Variants in ANKRD24 observed in about 807,000 individuals in gnomAD.
ANKRD24 encodes the protein ankyrin repeat domain 24.
Under a neutral mutation model 127.8 loss-of-function variants are expected in ANKRD24, and 109 were observed. That is an observed-to-expected ratio of 0.85 (90% CI 0.73 to 1.00). The LOEUF is 1.00. Ranked by LOEUF, ANKRD24 falls within the 50% of genes least tolerant of loss-of-function variation. The pLI, the probability that ANKRD24 is intolerant of heterozygous loss-of-function variation, is 0.00. For missense variants in ANKRD24, 1,648 were observed against 1,570.2 expected (o/e 1.05, Z -0.84); for synonymous variants, 743 against 671.1 (o/e 1.11, Z -1.66).
chr19:4,184,438 C>T (rs945810625), intron 1 of ANKRD24, among the ~76,000 whole-genome samples: 4 of 152,196 alleles, frequency 2.6e-5, no homozygotes, highest in Admixed American at 2.0e-4. Context: ...ACCCAGGTAC[C>T]CTGACACACA....
intron 2 of ANKRD24, among the ~76,000 whole-genome samples, chr19:4,193,729 C>A (rs999969226): frequency 5.3e-5 from 8 of 151,262 alleles, no homozygotes; most frequent in African/African-American, 1.9e-4. Flanking sequence ...CCCAGATACT[C>A]GGGAGACTGA....
chr19:4,202,910 T>C lies in ANKRD24; in HGVS notation c.450T>C (p.Thr150=). Residue 150 remains threonine (T), a synonymous_variant, in exon 7 of 22, where the codon ACT becomes ACC. Coordinates refer to ENST00000318934, the MANE Select transcript of ANKRD24 (RefSeq NM_001393985.1). Reference sequence around the variant, plus strand: ...ACGTCGTGGACAGCAGCGGGTGGACTGCCCTACACCATGCAGGTGGGTGCA... The same window carrying C: ...ACGTCGTGGACAGCAGCGGGTGGACCGCCCTACACCATGCAGGTGGGTGCA... ...VVDVVDSSGW[T]ALHHAAAGGC... 1 of 1,582,966 alleles carries C rather than the reference T, an allele frequency of 6.3e-7. No homozygotes were observed. The highest frequency in any genetic ancestry group is 8.6e-7 in the Non-Finnish European group (1 of 1,164,976).
At position 4,218,000 on chromosome 19, in the gene ANKRD24, C is replaced by T; in HGVS notation, c.2840C>T (p.Ala947Val). The change falls in exon 18 of 22, where the codon GCC becomes GTC. Residue 947 changes from alanine (A) to valine (V), a missense_variant. By Grantham distance (64) the Ala-to-Val change is moderately conservative. Transcript: ENST00000318934. ...EQEVVATGKE[A>V]ARLRAELERE... ...GAGGTGGTGGCCACGGGCAAGGAGG[C>T]CGCCCGGCTGCGCGCGGAGCTGGAG... 2 of 1,534,864 alleles carry T rather than the reference C, an allele frequency of 1.3e-6. No homozygotes were observed. Among genetic ancestry groups the T allele is most frequent in the East Asian group, 2.5e-5 (1 of 39,256 alleles).
rs201693881 is a variant in ANKRD24 at position 4,216,574 on chromosome 19, G to A, written c.1414G>A (p.Glu472Lys). The change falls in exon 18 of 22, where the codon GAG becomes AAG. Residue 472 changes from glutamate to lysine, a missense_variant. Coordinates refer to ENST00000318934, the MANE Select transcript of ANKRD24 (RefSeq NM_001393985.1). The part of the protein sequence containing the change: ...VQILENFEKD[E>K]TQMEVEALAE... ...GATCCTGGAGAACTTTGAGAAGGAC[G>A]AGACACAGATGGAAGTGGAAGCTTT... The A allele has an allele frequency of 1.1e-3, 1,718 of 1,610,970 alleles. 18 individuals carry two copies. The highest frequency in any genetic ancestry group is 3.1e-4 in the Non-Finnish European group (365 of 1,178,492).
chr19:4,217,793 G>C lies in ANKRD24; in HGVS notation c.2633G>C (p.Arg878Pro), dbSNP rs932748325. The change falls in exon 18 of 22, where the codon CGG becomes CCG. Residue 878 changes from arginine to proline, a missense_variant. By Grantham distance (103) the Arg-to-Pro change is moderately radical (BLOSUM62 -2). Coordinates refer to ENST00000318934, the MANE Select transcript of ANKRD24 (RefSeq NM_001393985.1). Reference protein sequence around the residue: ...RTAAAELGRARDAAEARVAEL... With the variant: ...RTAAAELGRAPDAAEARVAEL... ...GCGGCCGCGGAACTGGGCCGGGCAC[G>C]GGACGCCGCTGAGGCCCGAGTGGCT... 1 of 1,335,086 alleles carries C rather than the reference G, an allele frequency of 7.5e-7. No homozygotes were observed. Among genetic ancestry groups the C allele is most frequent in the Non-Finnish European group, 9.5e-7 (1 of 1,047,566 alleles). 82.7% of individuals were successfully genotyped at this position (1,335,086 alleles called of 1,614,324 possible). A position where few individuals can be genotyped will look rare whatever the true frequency, so the allele number is the denominator to read the frequency against.
chr19:4,207,101 T>TG, intron 7 of ANKRD24, 141 bp from the exon 8 acceptor site: 2 of 544,212 alleles, frequency 3.7e-6, no homozygotes, highest in Non-Finnish European at 6.5e-6. Context: ...TTTTTTTTTT[T>TG]TTGTAGAGAC....
intron 1 of ANKRD24, chr19:4,183,205 C>T (rs1407928589): frequency 1.6e-6 from 1 of 633,584 alleles, no homozygotes; most frequent in Non-Finnish European, 2.0e-6. Flanking sequence ...GTCCCGAACT[C>T]CTGACCTCAG....
Position 4,223,390 on chromosome 19 carries a change from TATATATATA to T in ANKRD24, c.3297+596_3297+604del, listed in dbSNP as rs1405861739. Among the ~76,000 whole-genome samples the T allele has an allele frequency of 9.4e-4, 82 of 87,450 alleles. 1 individual carries two copies. Among genetic ancestry groups the T allele is most frequent in the African/African-American group, 2.1e-3 (36 of 16,970 alleles). 57.4% of individuals were successfully genotyped at this position (87,450 alleles called of 152,430 possible). ...GGCCATACATATATATATATATATA[TATATATATA>T]TATTTTTTTTTTTTTTTTTTTGAGC... is the stretch of plus-strand genomic sequence containing the variant. On this transcript the variant is annotated intron_variant, in intron 20 of 21. Transcript: ENST00000318934.
intron 20 of ANKRD24, among the ~76,000 whole-genome samples, chr19:4,223,391 A>T (rs1471133203): frequency 1.3e-4 from 11 of 84,746 alleles, no homozygotes; most frequent in African/African-American, 3.3e-4. Context: ...ATATATATAT[A>T]TATATATATA....
chr19:4,195,454 G>A lies in ANKRD24; in HGVS notation c.37-4229G>A, dbSNP rs982929346. ...ACTGAAGCCCTGAGCTGGGAGATCC[G>A]TTTCGGTCTCTTCTCTGGAGAAGCT... On this transcript the variant is annotated intron_variant, in intron 2 of 21. Coordinates refer to ENST00000318934, the MANE Select transcript of ANKRD24 (RefSeq NM_001393985.1). The surrounding 1 kb of genome is among the most constrained non-coding windows in gnomAD (Gnocchi z 4.2). 3.9e-5 allele frequency among the ~76,000 whole-genome samples: 6 copies of A among 152,106 alleles called. No homozygotes were observed. Among genetic ancestry groups the A allele is most frequent in the African/African-American group, 9.7e-5 (4 of 41,424 alleles).
Position 4,216,919 on chromosome 19 carries a change from A to G in ANKRD24, c.1759A>G (p.Thr587Ala). Reference protein sequence around the residue: ...MEAEATGAEATGAEATGAKVT... With the variant: ...MEAEATGAEAAGAEATGAKVT... ...AGCTGAGGCCACGGGAGCCGAGGCCACGGGAGCTGAGGCCACAGGAGCCAA... is the reference window on the plus strand; with the variant it reads ...AGCTGAGGCCACGGGAGCCGAGGCCGCGGGAGCTGAGGCCACAGGAGCCAA... Residue 587 changes from threonine (T) to alanine (A), a missense_variant, in exon 18 of 22, where the codon ACG (threonine) becomes GCG (alanine). Coordinates refer to ENST00000318934, the MANE Select transcript of ANKRD24 (RefSeq NM_001393985.1). 6.2e-7 allele frequency: 1 copy of G among 1,610,232 alleles called. No homozygotes were observed. Among genetic ancestry groups the G allele is most frequent in the Non-Finnish European group, 8.5e-7 (1 of 1,178,182 alleles).
At chr19:4,196,479 G>A (rs567387313) in intron 2 of ANKRD24, among the ~76,000 whole-genome samples, 2 of 152,224 alleles carry the variant, frequency 1.3e-5, no homozygotes, top group Admixed American at 1.3e-4. Context: ...GGGTTCAAGC[G>A]ATTCTCCTGC....
In ANKRD24 at chr19:4,216,926, C is replaced by G. The variant is rs1356747320; in HGVS notation, c.1766C>G (p.Ala589Gly). ...GCCACGGGAGCCGAGGCCACGGGAG[C>G]TGAGGCCACAGGAGCCAAGGTCACA... is the stretch of plus-strand genomic sequence containing the variant. ...AEATGAEATG[A>G]EATGAKVTET... The change falls in exon 18 of 22, where the codon GCT becomes GGT. Residue 589 changes from alanine (A) to glycine (G), a missense_variant. Coordinates refer to ENST00000318934, the MANE Select transcript of ANKRD24 (RefSeq NM_001393985.1). 6.2e-7 allele frequency: 1 copy of G among 1,610,316 alleles called. No individual in the cohort carries two copies. The highest frequency in any genetic ancestry group is 1.7e-4 in the Middle Eastern group (1 of 6,038).
intron 19 of ANKRD24, among the ~76,000 whole-genome samples, chr19:4,220,906 T>C (rs1452509202): frequency 1.3e-5 from 2 of 150,974 alleles, no homozygotes; most frequent in African/African-American, 2.4e-5. Flanking sequence ...CAGAAAGCTT[T>C]TTTTTTTTTT....
In ANKRD24 at chr19:4,207,873, TG is replaced by T; in HGVS notation, c.741del (p.Gln248ArgfsTer80). 1 of 1,561,076 alleles carries T rather than the reference TG, an allele frequency of 6.4e-7. No individual in the cohort carries two copies. Among genetic ancestry groups the T allele is most frequent in the South Asian group, 1.2e-5 (1 of 83,862 alleles). ...GGAQPGITDALGQDAAHYGAL... is the reference protein window; with the variant it reads ...GGAQPGITDAXGQDAAHYGAL... ...GCCCAGCCGGGCATCACCGATGCGCTGGGGCAGGACGCGGCTCACTATGGCG... is the reference window on the plus strand; with the variant it reads ...GCCCAGCCGGGCATCACCGATGCGCTGGGCAGGACGCGGCTCACTATGGCG... On this transcript the variant is annotated frameshift_variant, in exon 10 of 22. Transcript: ENST00000318934. LOFTEE classifies it high-confidence loss of function.
intron 2 of ANKRD24, among the ~76,000 whole-genome samples, chr19:4,186,969 A>G (rs185517192): frequency 1.3e-5 from 2 of 152,326 alleles, no homozygotes; most frequent in Non-Finnish European, 1.5e-5. Flanking sequence ...AACAAGATAA[A>G]TAAGTGACAA....
In ANKRD24 at chr19:4,217,389, A is replaced by C; in HGVS notation, c.2229A>C (p.Ala743=). ...EEALRQRERE[A]AAELEAALGK... is the part of the protein sequence containing the mutation. ...CTCTCCGGCAGCGGGAGCGGGAGGC[A>C]GCTGCGGAGCTGGAGGCGGCCCTGG... The change falls in exon 18 of 22, where the codon GCA becomes GCC. Residue 743 remains alanine, a synonymous_variant. Transcript: ENST00000318934. 1.3e-6 allele frequency: 2 copies of C among 1,550,316 alleles called. No homozygotes were observed. The highest frequency in any genetic ancestry group is 2.7e-5 in the African/African-American group (2 of 73,132).
Position 4,217,958 on chromosome 19 carries a change from C to T in ANKRD24, c.2798C>T (p.Ala933Val), listed in dbSNP as rs779927655. Residue 933 changes from alanine to valine, a missense_variant, in exon 18 of 22, where the codon GCA becomes GTA. Transcript: ENST00000318934. ...QEEALELRGR[A>V]ASLEQEVVAT... is the part of the protein sequence containing the mutation. ...GAGGCCCTGGAGCTGCGGGGCCGGG[C>T]AGCCAGTCTGGAGCAGGAGGTGGTG... The T allele has an allele frequency of 2.0e-6, 3 of 1,510,574 alleles. No individual in the cohort carries two copies. Among genetic ancestry groups the T allele is most frequent in the African/African-American group, 1.4e-5 (1 of 69,404 alleles). The allele number at this position is 1,510,574 out of a possible 1,614,324, so 93.6% of individuals were successfully genotyped here. A position where few individuals can be genotyped will look rare whatever the true frequency, so the allele number is the denominator to read the frequency against.
chr19:4,200,962 T>A (rs891559362), intron 5 of ANKRD24, among the ~76,000 whole-genome samples: 13 of 152,130 alleles, frequency 8.5e-5, no homozygotes, highest in African/African-American at 2.9e-4. Context: ...TGAAGGGAAC[T>A]GCTTGGAGTT....
Sources: gnomAD v4.1 joint callset for allele counts (sites outside exome capture counted in the v4.1 genomes callset) on GRCh38, gnomAD v4.1.1 for gene constraint, Gnocchi (gnomAD v3.1) non-coding constraint, MANE v1.5 for transcripts, NCBI Gene and HGNC (gene_info 2026-07-23, HGNC 2026-07-21) for gene names.